RPS6KC1: variants seen among roughly 807,000 people sequenced by gnomAD.
RPS6KC1 encodes inactive ribosomal protein S6 kinase delta-1.
Under a neutral mutation model 103.8 loss-of-function variants are expected in RPS6KC1, and 54 were observed. The ratio of observed to expected loss-of-function variants is 0.52; its 90% CI spans 0.42 to 0.65. The LOEUF is 0.65. Among genes scored for constraint, RPS6KC1 ranks in the 30% least tolerant of loss-of-function variants. RPS6KC1 has a pLI of 0.00. For missense variants in RPS6KC1, 1,151 were observed against 1,253.8 expected (o/e 0.92, Z 1.24); for synonymous variants, 439 against 438.7 (o/e 1.00, Z -0.01).
the RPS6KC1 span, among the ~76,000 whole-genome samples, chr1:213,690,955 T>C: frequency 6.6e-6 from 1 of 152,100 alleles, no homozygotes; most frequent in Non-Finnish European, 1.5e-5. Context: ...TCCTTGATTG[T>C]TTTATTTTTC....
At chr1:213,709,362 T>G in the RPS6KC1 span, among the ~76,000 whole-genome samples, 2 of 152,238 alleles carry the variant, frequency 1.3e-5, no homozygotes, top group Non-Finnish European at 2.9e-5. Flanking sequence ...TATTCTCTGA[T>G]GGTAGTTTGT....
chr1:213,188,836 T>G (rs891070867), intron 8 of RPS6KC1, among the ~76,000 whole-genome samples: 1 of 150,402 alleles, frequency 6.6e-6, no homozygotes, highest in African/African-American at 2.4e-5. Flanking sequence ...CCGCAAGGTT[T>G]TTTTTTTTTT....
chr1:213,815,731 C>T, the RPS6KC1 span, among the ~76,000 whole-genome samples: 1 of 152,208 alleles, frequency 6.6e-6, no homozygotes, highest in African/African-American at 2.4e-5. Flanking sequence ...TAGCAAAAGG[C>T]TGTTTTGCTT....
chr1:213,665,748 G>A, the RPS6KC1 span, among the ~76,000 whole-genome samples: 1 of 152,308 alleles, frequency 6.6e-6, no homozygotes, highest in South Asian at 2.1e-4. Flanking sequence ...TCACTACACT[G>A]TTGTTTGTAG....
At chr1:213,389,323 G>C in the RPS6KC1 span, among the ~76,000 whole-genome samples, 1 of 152,204 alleles carries the variant, frequency 6.6e-6, no homozygotes, top group Non-Finnish European at 1.5e-5. Flanking sequence ...TGGAAAAAAA[G>C]GTCTTATATT....
intron 8 of RPS6KC1, among the ~76,000 whole-genome samples, chr1:213,189,628 A>C (rs985931068): frequency 1.3e-5 from 2 of 152,184 alleles, no homozygotes; most frequent in Non-Finnish European, 2.9e-5. Context: ...CCATGCCCTC[A>C]AGTATTTATT....
At chr1:213,277,422 G>A (rs1167558150), downstream of RPS6KC1, among the ~76,000 whole-genome samples, 5 of 152,174 alleles carry the variant, frequency 3.3e-5, no homozygotes, top group East Asian at 1.9e-4. Flanking sequence ...AATTTGTGGC[G>A]GTGTAAGAGA....
chr1:213,819,365 T>C, the RPS6KC1 span: 1 of 152,238 alleles, frequency 6.6e-6, no homozygotes, highest in Non-Finnish European at 1.5e-5. Context: ...TCTCCCACTT[T>C]AGTGTGCATA....
chr1:213,327,240 G>GA, the RPS6KC1 span, among the ~76,000 whole-genome samples: 2 of 147,162 alleles, frequency 1.4e-5, no homozygotes, highest in African/African-American at 5.3e-5. Flanking sequence ...GAAAAGAAAA[G>GA]AAAGAAAGAA....
the RPS6KC1 span, among the ~76,000 whole-genome samples, chr1:213,664,366 G>A: frequency 1.3e-5 from 2 of 152,178 alleles, no homozygotes; most frequent in African/African-American, 4.8e-5. Flanking sequence ...TCCAAGCATG[G>A]GGTCCTTGTA....
At chr1:213,440,159 T>C in the RPS6KC1 span, among the ~76,000 whole-genome samples, 4 of 152,276 alleles carry the variant, frequency 2.6e-5, no homozygotes, top group East Asian at 7.7e-4. Context: ...AGTTCCATTG[T>C]GAAGTCAAAC....
the RPS6KC1 span, among the ~76,000 whole-genome samples, chr1:213,824,673 T>C: frequency 6.6e-6 from 1 of 152,164 alleles, no homozygotes; most frequent in African/African-American, 2.4e-5. Flanking sequence ...GATGGTCCTA[T>C]AAGGGGGAGT....
At chr1:213,278,730 G>A (rs2095117253), downstream of RPS6KC1, among the ~76,000 whole-genome samples, 1 of 152,150 alleles carries the variant, frequency 6.6e-6, no homozygotes, top group African/African-American at 2.4e-5. Context: ...AAAGAAAGAA[G>A]CATAAATAAT....
intron 2 of RPS6KC1, among the ~76,000 whole-genome samples, chr1:213,073,806 G>A (rs940881979): frequency 1.3e-5 from 2 of 152,050 alleles, no homozygotes; most frequent in African/African-American, 4.8e-5. Context: ...CTCCTGAATA[G>A]CTGGGACTAC....
chr1:213,622,076 C>G, the RPS6KC1 span, among the ~76,000 whole-genome samples: 1 of 152,112 alleles, frequency 6.6e-6, no homozygotes, highest in Non-Finnish European at 1.5e-5. Context: ...GAAAACCTGC[C>G]CACAGGACAG....
chr1:213,609,488 G>T, the RPS6KC1 span, among the ~76,000 whole-genome samples: 2 of 152,146 alleles, frequency 1.3e-5, no homozygotes, highest in Non-Finnish European at 2.9e-5. Flanking sequence ...TTGGCTACCT[G>T]TTGAGTCGGG....
chr1:213,862,344 C>T, the RPS6KC1 span, among the ~76,000 whole-genome samples: 4 of 152,138 alleles, frequency 2.6e-5, no homozygotes, highest in South Asian at 2.1e-4. Flanking sequence ...TCCTCTCTGC[C>T]GATGGTCCGG....
chr1:213,175,612 A>G (rs921560662), intron 7 of RPS6KC1, among the ~76,000 whole-genome samples: 5 of 152,232 alleles, frequency 3.3e-5, no homozygotes, highest in Non-Finnish European at 7.3e-5. Flanking sequence ...GAAAAACTAA[A>G]ACTAATAAAT....
chr1:213,142,808 A>G (rs754059949), intron 6 of RPS6KC1, among the ~76,000 whole-genome samples: 1 of 152,054 alleles, frequency 6.6e-6, no homozygotes, highest in Non-Finnish European at 1.5e-5. Flanking sequence ...TAAGGTATGT[A>G]CATTGTTTTT....
Sources: gnomAD v4.1 joint callset for allele counts (sites outside exome capture counted in the v4.1 genomes callset) on GRCh38, gnomAD v4.1.1 for gene constraint, MANE v1.5 for transcripts, NCBI Gene and HGNC (gene_info 2026-07-23, HGNC 2026-07-21) for gene names.